Variants in TNFSF4 observed in about 807,000 individuals in gnomAD.
The protein encoded by TNFSF4 is TNF superfamily member 4, also known as tumor necrosis factor ligand superfamily member 4.
TNFSF4 carries 4 observed loss-of-function variants against 7.3 expected under a neutral mutation model. The ratio of observed to expected loss-of-function variants is 0.55; its 90% CI spans 0.27 to 1.25. The LOEUF (loss-of-function observed/expected upper bound fraction) is 1.25, where lower values mean the gene tolerates loss of function less well. Among genes scored for constraint, TNFSF4 ranks in the 50% most tolerant of loss-of-function variants. TNFSF4 has a pLI of 0.12. For synonymous variants in TNFSF4, 76 were observed against 83.7 expected, an observed-to-expected ratio of 0.91 and a Z score of 0.50; for missense variants, 181 against 208.8, an observed-to-expected ratio of 0.87 and a Z score of 0.82.
At chr1:173,245,722 A>G in the TNFSF4 span, among the ~76,000 whole-genome samples, 4 of 152,302 alleles carry the variant, frequency 2.6e-5, no homozygotes, top group Non-Finnish European at 4.4e-5. Flanking sequence ...TTACCTGTTG[A>G]CCAAAATCTC....
At chr1:173,229,392 T>C in the TNFSF4 span, among the ~76,000 whole-genome samples, 1 of 152,216 alleles carries the variant, frequency 6.6e-6, no homozygotes, top group Non-Finnish European at 1.5e-5. Flanking sequence ...TGAGAGATTT[T>C]GTCAGAACCA....
chr1:173,434,009 A>T, the TNFSF4 span, among the ~76,000 whole-genome samples: 1 of 152,186 alleles, frequency 6.6e-6, no homozygotes, highest in South Asian at 2.1e-4. Context: ...CAAGCTACAG[A>T]ATGCCAAAGA....
At chr1:173,432,126 A>G in the TNFSF4 span, among the ~76,000 whole-genome samples, 1 of 152,190 alleles carries the variant, frequency 6.6e-6, no homozygotes, top group Non-Finnish European at 1.5e-5. Context: ...GTGAAGCAAG[A>G]CACATCACTT....
At chr1:173,229,010 A>G in the TNFSF4 span, among the ~76,000 whole-genome samples, 2 of 152,220 alleles carry the variant, frequency 1.3e-5, no homozygotes, top group Admixed American at 1.3e-4. Flanking sequence ...CACTCTGCAG[A>G]ATATTATCCA....
chr1:173,318,086 T>C, the TNFSF4 span, among the ~76,000 whole-genome samples: 1 of 152,210 alleles, frequency 6.6e-6, no homozygotes, highest in Non-Finnish European at 1.5e-5. Flanking sequence ...TGGTTGGCTA[T>C]TTGTAAATAT....
the TNFSF4 span, among the ~76,000 whole-genome samples, chr1:173,374,150 G>A: frequency 2.6e-5 from 4 of 152,166 alleles, no homozygotes; most frequent in Non-Finnish European, 5.9e-5. Flanking sequence ...AATATGATAT[G>A]CTATATGGGT....
At chr1:173,356,134 T>C in the TNFSF4 span, among the ~76,000 whole-genome samples, 1 of 152,232 alleles carries the variant, frequency 6.6e-6, no homozygotes, top group African/African-American at 2.4e-5. Flanking sequence ...CAGGCTTATG[T>C]GAGGGCAATC....
chr1:173,335,122 C>T, the TNFSF4 span, among the ~76,000 whole-genome samples: 1 of 152,012 alleles, frequency 6.6e-6, no homozygotes, highest in Non-Finnish European at 1.5e-5. Flanking sequence ...TTAAGAAACT[C>T]CCTGACTCTA....
the TNFSF4 span, among the ~76,000 whole-genome samples, chr1:173,386,780 C>G: frequency 6.6e-6 from 1 of 152,304 alleles, no homozygotes; most frequent in African/African-American, 2.4e-5. Context: ...CTTGGGAGCC[C>G]AATCCCCACC....
At chr1:173,300,933 A>G in the TNFSF4 span, among the ~76,000 whole-genome samples, 1 of 122,634 alleles carries the variant, frequency 8.2e-6, no homozygotes, top group Non-Finnish European at 1.7e-5. Flanking sequence ...TGTAGTTTTT[A>G]TGAAGAACAA....
At chr1:173,354,020 C>CAA in the TNFSF4 span, among the ~76,000 whole-genome samples, 94 of 142,624 alleles carry the variant, frequency 6.6e-4, no homozygotes, top group Admixed American at 1.4e-3. Flanking sequence ...CACACACACA[C>CAA]AAAAAAAAAA....
At chr1:173,281,767 T>C in the TNFSF4 span, among the ~76,000 whole-genome samples, 2 of 152,210 alleles carry the variant, frequency 1.3e-5, no homozygotes, top group Non-Finnish European at 1.5e-5. Context: ...TCATTATGCA[T>C]GAGACATTTG....
At chr1:173,369,450 G>A in the TNFSF4 span, among the ~76,000 whole-genome samples, 1 of 152,184 alleles carries the variant, frequency 6.6e-6, no homozygotes, top group Non-Finnish European at 1.5e-5. Context: ...CCTCTTTGTG[G>A]TCTAGGAGGA....
the TNFSF4 span, among the ~76,000 whole-genome samples, chr1:173,355,471 A>T: frequency 2.7e-3 from 412 of 152,318 alleles, 3 homozygotes; most frequent in South Asian, 0.019. Flanking sequence ...TTCCCGTCTA[A>T]GGAAGCATCT....
In TNFSF4 at chr1:173,183,924, G is replaced by A. The variant is rs1649115256; in HGVS notation, c.*2592C>T. ...TTGGATCGGGATTGGAATCCCTTAA[G>A]CATTCTCTAAATAGAAAATATCTAA... On this transcript the variant is annotated 3_prime_UTR_variant, in exon 3 of 3. Transcript: ENST00000281834. The A allele has an allele frequency of 1.3e-5, 2 of 152,162 alleles. No homozygotes were observed. The highest frequency in any genetic ancestry group is 2.4e-5 in the African/African-American group (1 of 41,428). 9.4% of individuals were successfully genotyped at this position (152,162 alleles called of 1,614,324 possible).
At chr1:173,250,465 T>G in the TNFSF4 span, among the ~76,000 whole-genome samples, 3 of 148,516 alleles carry the variant, frequency 2.0e-5, no homozygotes, top group African/African-American at 7.4e-5. Flanking sequence ...GTTTTTTTGT[T>G]TTTTTTTTTT....
chr1:173,301,620 C>T, the TNFSF4 span, among the ~76,000 whole-genome samples: 1 of 151,768 alleles, frequency 6.6e-6, no homozygotes, highest in East Asian at 1.9e-4. Context: ...ATCTGTTGAA[C>T]ACCATAGGTC....
chr1:173,261,026 C>G, the TNFSF4 span, among the ~76,000 whole-genome samples: 1 of 152,164 alleles, frequency 6.6e-6, no homozygotes, highest in Admixed American at 6.5e-5. Flanking sequence ...CCCAGAACAA[C>G]AGAATATACT....
At chr1:173,385,624 G>A in the TNFSF4 span, among the ~76,000 whole-genome samples, 2 of 152,198 alleles carry the variant, frequency 1.3e-5, no homozygotes, top group Non-Finnish European at 1.5e-5. Flanking sequence ...GATCACTTGA[G>A]CACAGGAGTT....
Sources: allele counts gnomAD v4.1 joint callset (sites outside exome capture counted in the v4.1 genomes callset), GRCh38; gene constraint gnomAD v4.1.1; transcripts MANE v1.5; gene names NCBI Gene and HGNC (gene_info 2026-07-23, HGNC 2026-07-21).